Variants in IGSF9B observed in about 807,000 individuals in gnomAD.
The protein encoded by IGSF9B is immunoglobulin superfamily member 9B, also known as protein turtle homolog B.
A neutral mutation model predicts 143.7 loss-of-function variants in IGSF9B; 48 were observed. The observed-to-expected ratio is 0.33, with a 90% CI of 0.26 to 0.42. The LOEUF is 0.42. IGSF9B is among the 20% of genes least tolerant of loss of function. IGSF9B has a pLI of 1.00. For synonymous variants in IGSF9B, 903 were observed against 833.1 expected, an observed-to-expected ratio of 1.08 and a Z score of -1.44; for missense variants, 1,706 against 1,980.0, an observed-to-expected ratio of 0.86 and a Z score of 2.63.
intron 18 of IGSF9B, among the ~76,000 whole-genome samples, chr11:133,917,510 G>A (rs1037842681): frequency 3.3e-5 from 5 of 152,118 alleles, no homozygotes; most frequent in Admixed American, 3.3e-4. Context: ...GCATGACCCA[G>A]GGAGGACGAC....
At position 133,909,697 on chromosome 11, in the gene IGSF9B, T is replaced by C. The variant is rs1425968546; in HGVS notation, c.4106-420A>G. ...GACTTTATACAAGATTTTAATCGCA[T>C]GCAACGGTCAGGCCTTGACCCTTCC... is the stretch of plus-strand genomic sequence containing the variant. On this transcript the variant is annotated intron_variant, in intron 19 of 19. Coordinates refer to ENST00000533871, the MANE Select transcript of IGSF9B (RefSeq NM_001277285.4). The surrounding 1 kb of genome is among the most constrained non-coding windows in gnomAD (Gnocchi z 4.2). Among the ~76,000 whole-genome samples, 1 of 152,242 alleles carries C rather than the reference T, an allele frequency of 6.6e-6. No homozygotes were observed. Among genetic ancestry groups the C allele is most frequent in the African/African-American group, 2.4e-5 (1 of 41,474 alleles).
At chr11:133,941,114 C>T (rs1939948955) in intron 3 of IGSF9B, among the ~76,000 whole-genome samples, 1 of 152,166 alleles carries the variant, frequency 6.6e-6, no homozygotes, top group South Asian at 2.1e-4. Flanking sequence ...CAGGAAAGTA[C>T]GTTGAACAAT....
intron 16 of IGSF9B, 120 bp downstream of exon 16, chr11:133,922,449 C>A: frequency 9.2e-7 from 1 of 1,091,050 alleles, no homozygotes; most frequent in Admixed American, 2.3e-5. Context: ...GGCAGCTCTA[C>A]CCACAAGATC....
intron 3 of IGSF9B, among the ~76,000 whole-genome samples, chr11:133,941,184 C>T (rs79996172): frequency 1.3e-5 from 2 of 152,222 alleles, no homozygotes; most frequent in East Asian, 3.8e-4. Context: ...TAGATGTCAG[C>T]TTGCCAGCTG....
At chr11:133,919,539 ACCTGGGC>A (rs1390665357) in intron 18 of IGSF9B, among the ~76,000 whole-genome samples, 196 bp downstream of exon 18, 2 of 151,974 alleles carry the variant, frequency 1.3e-5, no homozygotes, top group Non-Finnish European at 2.9e-5. Context: ...CCGGCAGGGC[ACCTGGGC>A]AGGTGGGCCC....
At position 133,931,164 on chromosome 11, in the gene IGSF9B, G is replaced by A. The variant is rs371882821; in HGVS notation, c.1369-30C>T. On this transcript the variant is annotated intron_variant, in intron 10 of 19. Transcript: ENST00000533871. This position sits in a 1 kb window ranked among gnomAD's most constrained non-coding sequence, Gnocchi z 7.7. ...GTGAACAAGGGGCAGGGAAGAGGGTGGGAACAGAAATGGGGGTTAGGAGAG... is the reference window on the plus strand; with the variant it reads ...GTGAACAAGGGGCAGGGAAGAGGGTAGGAACAGAAATGGGGGTTAGGAGAG... 8.1e-6 allele frequency: 13 copies of A among 1,599,338 alleles called. No individual in the cohort carries two copies. The East Asian group carries it at 1.8e-4, about 22-fold the overall frequency.
rs1179239564 is a variant in IGSF9B, at chr11:133,922,555, G to A, written c.2281+14C>T. 2 of 1,605,530 alleles carry A rather than the reference G, an allele frequency of 1.2e-6. No homozygotes were observed. On this transcript the variant is annotated intron_variant, in intron 16 of 19. Transcript: ENST00000533871. ...CCGGGCCAGGGAGAGCAAGGGAAGG[G>A]GACAGACACCCACCTTTTTTGCGCT...
rs1470628751 is a variant in IGSF9B at position 133,924,838 on chromosome 11, C to T, written c.2101G>A (p.Ala701Thr). 1.2e-6 allele frequency: 2 copies of T among 1,613,642 alleles called. No individual in the cohort carries two copies. Among genetic ancestry groups the T allele is most frequent in the Non-Finnish European group, 1.7e-6 (2 of 1,179,842 alleles). Residue 701 changes from alanine to threonine, a missense_variant, in exon 15 of 20, where the codon GCC becomes ACC. By Grantham distance (58) the Ala-to-Thr change is moderately conservative. Coordinates refer to ENST00000533871, the MANE Select transcript of IGSF9B (RefSeq NM_001277285.4). ...AAAATACCTGTGCTGGAGACGCCGGCGATGTTGCTGGGCTCGCTGATCAGA... is the reference window on the plus strand; with the variant it reads ...AAAATACCTGTGCTGGAGACGCCGGTGATGTTGCTGGGCTCGCTGATCAGA... ...QDLISEPSNIAGVSSTDIFPQ... is the reference protein window; with the variant it reads ...QDLISEPSNITGVSSTDIFPQ...
intron 11 of IGSF9B, among the ~76,000 whole-genome samples, chr11:133,930,084 T>C (rs1469330413): frequency 3.9e-5 from 6 of 152,070 alleles, no homozygotes; most frequent in Non-Finnish European, 7.4e-5. Flanking sequence ...CCAAATCCTG[T>C]GCTTCTCTGG....
At position 133,934,457 on chromosome 11, in the gene IGSF9B, C is replaced by G. The variant is rs78779478; in HGVS notation, c.967+1160G>C. On this transcript the variant is annotated intron_variant, in intron 7 of 19. Transcript: ENST00000533871. ...TGAATAACTTCTCAACTCGCTTTTT[C>G]CCGCTGCAGGTCTGGGGAGTGAGAT... Among the ~76,000 whole-genome samples the G allele has an allele frequency of 3.1e-3, 475 of 152,364 alleles. 3 individuals carry two copies. Among genetic ancestry groups the G allele is most frequent in the African/African-American group, 0.011 (452 of 41,588 alleles).
intron 3 of IGSF9B, among the ~76,000 whole-genome samples, chr11:133,941,635 C>T (rs975350897): frequency 1.3e-5 from 2 of 152,146 alleles, no homozygotes; most frequent in Admixed American, 6.5e-5. Flanking sequence ...TCTGCCTGTG[C>T]GCAGGTAGGT....
At chr11:133,937,242 C>G (rs1394577082) in intron 5 of IGSF9B, 134 bp downstream of exon 5, 2 of 638,410 alleles carry the variant, frequency 3.1e-6, no homozygotes, top group East Asian at 5.6e-5. Flanking sequence ...ACAGGAGCCC[C>G]GCACAGGTCC....
At position 133,926,904 on chromosome 11, in the gene IGSF9B, C is replaced by A; in HGVS notation, c.1807+12G>T. 1 of 1,568,190 alleles carries A rather than the reference C, an allele frequency of 6.4e-7. No individual in the cohort carries two copies. Among genetic ancestry groups the A allele is most frequent in the South Asian group, 1.2e-5 (1 of 85,756 alleles). ...CAACCCCCGCTCCCAACATCCCACC[C>A]CGGGCCCTCACCTAAAGTGTTCACA... On this transcript the variant is annotated intron_variant, in intron 13 of 19. Transcript: ENST00000533871.
Position 133,920,419 on chromosome 11 carries a change from A to T in IGSF9B, c.3306T>A (p.Gly1102=). 6.3e-7 allele frequency: 1 copy of T among 1,585,452 alleles called. No individual in the cohort carries two copies. Among genetic ancestry groups the T allele is most frequent in the Non-Finnish European group, 8.6e-7 (1 of 1,167,838 alleles). ...CCCTGCCGGGCGACTTGCCTGCCCA[A>T]CCCTTCGGTGCCTCCAGAGACAGGA... ...PGILSLEAPK[G]WAGKSPGRGP... Residue 1102 remains glycine, a synonymous_variant, in exon 18 of 20, where the codon GGT becomes GGA. Transcript: ENST00000533871.
intron 19 of IGSF9B, among the ~76,000 whole-genome samples, chr11:133,911,232 G>A (rs561079401): frequency 2.6e-4 from 40 of 152,302 alleles, no homozygotes; most frequent in African/African-American, 8.4e-4. Context: ...GGCTAAATTC[G>A]TTTTGCACTC....
In IGSF9B at chr11:133,956,454, G is replaced by C. The variant is rs532108409; in HGVS notation, c.64+237C>G. ...CACTGCGTCCTTTCCCCGAGTGCCC[G>C]GCAGCCCGTGGGCTCTGGCCCCTTC... On this transcript the variant is annotated intron_variant, in intron 1 of 19. Transcript: ENST00000533871. 2.7e-3 allele frequency among the ~76,000 whole-genome samples: 404 copies of C among 152,122 alleles called. 1 individual carries two copies. The highest frequency in any genetic ancestry group is 6.0e-3 in the Admixed American group (92 of 15,300).
rs200424692 is a variant in IGSF9B, at chr11:133,920,193, G to A, written c.3532C>T (p.Arg1178Trp). 1.1e-5 allele frequency: 17 copies of A among 1,512,820 alleles called. No homozygotes were observed. The highest frequency in any genetic ancestry group is 9.4e-5 in the South Asian group (7 of 74,740). The allele number at this position is 1,512,820 out of a possible 1,614,324, so 93.7% of individuals were successfully genotyped here. A position where few individuals can be genotyped will look rare whatever the true frequency, so the allele number is the denominator to read the frequency against. Residue 1178 changes from arginine (R) to tryptophan (W), a missense_variant, in exon 18 of 20, where the codon CGG becomes TGG. By Grantham distance (101) the Arg-to-Trp change is moderately radical (BLOSUM62 -3). Transcript: ENST00000533871. ...TRWYEPQPRP[R>W]PSPRQARRAE... ...CGCCTGGCCTGCCGAGGGCTAGGCC[G>A]GGGCCGGGGCTGGGGCTCATACCAC...
chr11:133,920,404 C>T lies in IGSF9B; in HGVS notation c.3321G>A (p.Ser1107=). 1 of 1,594,042 alleles carries T rather than the reference C, an allele frequency of 6.3e-7. No individual in the cohort carries two copies. The highest frequency in any genetic ancestry group is 1.8e-5 in the Admixed American group (1 of 56,614). The change falls in exon 18 of 20, where the codon TCG becomes TCA. Residue 1107 remains serine (S), a synonymous_variant. Transcript: ENST00000533871. The part of the protein sequence containing the change: ...LEAPKGWAGK[S]PGRGPVPAPP... ...GCGCTGGGACAGGGCCCCTGCCGGGCGACTTGCCTGCCCAACCCTTCGGTG... is the reference window on the plus strand; with the variant it reads ...GCGCTGGGACAGGGCCCCTGCCGGGTGACTTGCCTGCCCAACCCTTCGGTG...
Position 133,917,732 on chromosome 11 carries a change from C to T in IGSF9B, c.3983+2010G>A, listed in dbSNP as rs368600111. Among the ~76,000 whole-genome samples the T allele has an allele frequency of 6.6e-5, 10 of 152,230 alleles. No individual in the cohort carries two copies. In the East Asian group the frequency reaches 1.6e-3, roughly 24 times the overall value. On this transcript the variant is annotated intron_variant, in intron 18 of 19. Coordinates refer to ENST00000533871, the MANE Select transcript of IGSF9B (RefSeq NM_001277285.4). ...GGGCTCATCCCAACCTTGTACTCCT[C>T]GAGAGAGCCTAATACCACGAAGATC...
Sources: allele counts gnomAD v4.1 joint callset (sites outside exome capture counted in the v4.1 genomes callset), GRCh38; gene constraint gnomAD v4.1.1; non-coding constraint Gnocchi (gnomAD v3.1); transcripts MANE v1.5; gene names NCBI Gene and HGNC (gene_info 2026-07-23, HGNC 2026-07-21).